Variants in TTLL1 observed in about 807,000 individuals in gnomAD.
TTLL1 encodes the protein polyglutamylase complex subunit TTLL1.
TTLL1 carries 33 observed loss-of-function variants against 47.8 expected under a neutral mutation model. The ratio of observed to expected loss-of-function variants is 0.69; its 90% CI spans 0.52 to 0.92. TTLL1 has a LOEUF of 0.92. Ranked by LOEUF, TTLL1 falls within the 40% of genes least tolerant of loss-of-function variation. TTLL1 has a pLI of 0.00. For synonymous variants in TTLL1, 225 were observed against 214.1 expected (o/e 1.05, Z -0.45); for missense variants, 488 against 547.5 (o/e 0.89, Z 1.08).
intron 3 of TTLL1, among the ~76,000 whole-genome samples, chr22:43,075,056 T>C (rs995950034): frequency 6.6e-6 from 1 of 152,114 alleles, no homozygotes; most frequent in Admixed American, 6.6e-5. Context: ...TCCCAGGTAC[T>C]TGGGAGCCTA....
At chr22:43,076,681 G>A (rs1463581664) in intron 2 of TTLL1, among the ~76,000 whole-genome samples, 1 of 151,686 alleles carries the variant, frequency 6.6e-6, no homozygotes, top group African/African-American at 2.4e-5. Flanking sequence ...AACCTGGGAG[G>A]TGGAGGTTGC....
rs143064977 is a variant in TTLL1, at chr22:43,072,433, C to T, written c.114-2589G>A. Among the ~76,000 whole-genome samples, 507 of 152,088 alleles carry T rather than the reference C, an allele frequency of 3.3e-3. 4 individuals are homozygous for T. The highest frequency in any genetic ancestry group is 0.025 in the East Asian group (129 of 5,162). On this transcript the variant is annotated intron_variant, in intron 3 of 10. Transcript: ENST00000266254. ...CCTCCCAAAGTGCTGGGATTACAGG[C>T]GTGAGCCACCGCGCCTGGCCACCAT... is the stretch of plus-strand genomic sequence containing the variant.
chr22:43,052,040 C>T, intron 8 of TTLL1, 153 bp from the exon 9 acceptor site: 1 of 672,576 alleles, frequency 1.5e-6, no homozygotes. Flanking sequence ...CCTCCTCTCC[C>T]TCTTCCTCCC....
chr22:43,057,399 T>C (rs1601671788), intron 8 of TTLL1, among the ~76,000 whole-genome samples: 1 of 152,016 alleles, frequency 6.6e-6, no homozygotes, highest in East Asian at 1.9e-4. Flanking sequence ...CGTGAGCCAC[T>C]GTGCCCGGCC....
chr22:43,067,120 G>A (rs964923686), intron 5 of TTLL1, among the ~76,000 whole-genome samples: 5 of 152,172 alleles, frequency 3.3e-5, no homozygotes, highest in African/African-American at 1.2e-4. Flanking sequence ...TGGGCCCCGG[G>A]CACTTCTGAG....
chr22:43,059,928 G>C (rs1277349157), intron 7 of TTLL1, among the ~76,000 whole-genome samples: 2 of 152,130 alleles, frequency 1.3e-5, no homozygotes, highest in Non-Finnish European at 2.9e-5. Flanking sequence ...GGCCTCAAGG[G>C]ATCCTCCTGC....
chr22:43,059,744 C>T (rs943693013), intron 7 of TTLL1, among the ~76,000 whole-genome samples: 12 of 152,156 alleles, frequency 7.9e-5, no homozygotes, highest in African/African-American at 1.9e-4. Context: ...AGCTGGAGTG[C>T]GGTGGCATTA....
At chr22:43,064,403 A>G in intron 5 of TTLL1, 79 bp from the exon 6 acceptor site, 3 of 1,495,808 alleles carry the variant, frequency 2.0e-6, no homozygotes, top group Non-Finnish European at 2.7e-6. Context: ...GGAATAACTG[A>G]TAAGCCGGAC....
intron 7 of TTLL1, 148 bp downstream of exon 7, chr22:43,063,665 T>C (rs1927536073): frequency 1.7e-6 from 1 of 591,488 alleles, no homozygotes; most frequent in East Asian, 3.1e-5. Context: ...AGGGTTTCAT[T>C]GTGTTCGTCA....
At chr22:43,070,753 C>A (rs539938792) in intron 3 of TTLL1, among the ~76,000 whole-genome samples, 4 of 152,164 alleles carry the variant, frequency 2.6e-5, no homozygotes, top group South Asian at 2.1e-4. Context: ...ACCTCCACCC[C>A]CCTCAGCACT....
chr22:43,046,965 C>T (rs1471368823), intron 9 of TTLL1, among the ~76,000 whole-genome samples: 2 of 152,148 alleles, frequency 1.3e-5, no homozygotes, highest in Admixed American at 6.6e-5. Flanking sequence ...GCCACCACAC[C>T]TGGAAAATGG....
rs1569403811 is a variant in TTLL1, at chr22:43,039,911, G to A, written c.1143-6C>T. ...GGGCCAATTCTTCATCATACCTGGA[G>A]ACAGAAACAGCCAGGATCACGGCAG... is the stretch of plus-strand genomic sequence containing the variant. On this transcript the variant is annotated splice_polypyrimidine_tract_variant and splice_region_variant and intron_variant, in intron 10 of 10. Transcript: ENST00000266254. 3 of 1,612,860 alleles carry A rather than the reference G, an allele frequency of 1.9e-6. No homozygotes were observed. The highest frequency in any genetic ancestry group is 2.2e-5 in the East Asian group (1 of 44,842).
intron 10 of TTLL1, 143 bp downstream of exon 10, chr22:43,046,267 G>T (rs1926118337): frequency 1.2e-6 from 1 of 868,782 alleles, no homozygotes; most frequent in Non-Finnish European, 1.8e-6. Context: ...GCTACAACAA[G>T]ATCTATCCCA....
At chr22:43,044,629 C>T (rs1177343681) in intron 10 of TTLL1, among the ~76,000 whole-genome samples, 1 of 152,186 alleles carries the variant, frequency 6.6e-6, no homozygotes, top group East Asian at 1.9e-4. Context: ...CTGCCGTCTG[C>T]TTCCCTCTCT....
In TTLL1 at chr22:43,051,833, T is replaced by C; in HGVS notation, c.946A>G (p.Ile316Val). 6.2e-7 allele frequency: 1 copy of C among 1,614,048 alleles called. No individual in the cohort carries two copies. Among genetic ancestry groups the C allele is most frequent in the Non-Finnish European group, 8.5e-7 (1 of 1,180,012 alleles). Reference sequence around the variant, plus strand: ...AGCCAGGGCTTCAGCTTGTCGTCGATGATGATGTCGTAGCCATAGCATTCA... The same window carrying C: ...AGCCAGGGCTTCAGCTTGTCGTCGACGATGATGTCGTAGCCATAGCATTCA... ...CFECYGYDII[I>V]DDKLKPWLIE... The change falls in exon 9 of 11, where the codon ATC (isoleucine) becomes GTC (valine). Residue 316 changes from isoleucine (I) to valine (V), a missense_variant. Physicochemically the swap from Ile to Val is conservative, Grantham distance 29 (BLOSUM62 3). Coordinates refer to ENST00000266254, the MANE Select transcript of TTLL1 (RefSeq NM_012263.5).
chr22:43,073,461 A>G (rs1928269722), intron 3 of TTLL1, among the ~76,000 whole-genome samples: 1 of 151,574 alleles, frequency 6.6e-6, no homozygotes, highest in African/African-American at 2.4e-5. Context: ...GGTTGAGGCC[A>G]TTTGCCTGCC....
In TTLL1 at chr22:43,042,946, T is replaced by C. The variant is rs1322488341; in HGVS notation, c.1143-3041A>G. On this transcript the variant is annotated intron_variant, in intron 10 of 10. Transcript: ENST00000266254. ...GGCCTCTGCTGCTTTTTCTTTTTTT[T>C]TTTTTTTTTTTGAGGCAGACTTTCG... Among the ~76,000 whole-genome samples, 3 of 149,754 alleles carry C rather than the reference T, an allele frequency of 2.0e-5. No individual in the cohort carries two copies. The East Asian group carries it at 5.8e-4, about 29-fold the overall frequency.
At chr22:43,045,406 C>A (rs963290702) in intron 10 of TTLL1, among the ~76,000 whole-genome samples, 3 of 151,436 alleles carry the variant, frequency 2.0e-5, no homozygotes, top group Admixed American at 6.6e-5. Flanking sequence ...GTTTCTGACA[C>A]ATGACAAGCC....
At chr22:43,081,420 T>C (rs1409643559) in intron 1 of TTLL1, among the ~76,000 whole-genome samples, 1 of 152,176 alleles carries the variant, frequency 6.6e-6, no homozygotes, top group Non-Finnish European at 1.5e-5. Context: ...CATAGAGATG[T>C]GTTACGGGTT....
Sources: gnomAD v4.1 joint callset for allele counts (sites outside exome capture counted in the v4.1 genomes callset) on GRCh38, gnomAD v4.1.1 for gene constraint, MANE v1.5 for transcripts, NCBI Gene and HGNC (gene_info 2026-07-23, HGNC 2026-07-21) for gene names.